Variants in TMEM132D observed in about 807,000 individuals in gnomAD.
TMEM132D encodes the protein mature OL transmembrane protein.
TMEM132D carries 21 observed loss-of-function variants against 62.3 expected under a neutral mutation model. The ratio of observed to expected loss-of-function variants is 0.34; its 90% CI spans 0.24 to 0.49. The LOEUF (loss-of-function observed/expected upper bound fraction) is 0.49, where lower values mean the gene tolerates loss of function less well. Among genes scored for constraint, TMEM132D ranks in the 20% least tolerant of loss-of-function variants. TMEM132D has a pLI of 0.99. For synonymous variants in TMEM132D, 621 were observed against 575.6 expected (o/e 1.08, Z -1.13); for missense variants, 1,346 against 1,402.8 (o/e 0.96, Z 0.65).
intron 3 of TMEM132D, among the ~76,000 whole-genome samples, chr12:129,489,927 T>C (rs1593034836): frequency 6.6e-6 from 1 of 152,176 alleles, no homozygotes; most frequent in Non-Finnish European, 1.5e-5. Context: ...TATACATCTG[T>C]CAATAACAGA....
chr12:129,868,627 C>T (rs1001306146), intron 1 of TMEM132D, among the ~76,000 whole-genome samples: 1 of 152,172 alleles, frequency 6.6e-6, no homozygotes, highest in African/African-American at 2.4e-5. Context: ...ATGCCCTGTA[C>T]CCCTGTAAGC....
intron 4 of TMEM132D, among the ~76,000 whole-genome samples, chr12:129,251,264 C>G (rs1224779003): frequency 6.9e-6 from 1 of 144,808 alleles, no homozygotes; most frequent in Non-Finnish European, 1.5e-5. Flanking sequence ...GAGGCTGAGG[C>G]AGGAGAATCA....
chr12:129,370,232 T>C (rs564212589), intron 3 of TMEM132D, among the ~76,000 whole-genome samples: 2 of 152,348 alleles, frequency 1.3e-5, no homozygotes, highest in Admixed American at 6.5e-5. Context: ...CAAAGTCCTC[T>C]GGTGTGCAAT....
At chr12:129,684,160 T>A (rs935526264) in intron 2 of TMEM132D, among the ~76,000 whole-genome samples, 2 of 152,100 alleles carry the variant, frequency 1.3e-5, no homozygotes, top group Non-Finnish European at 2.9e-5. Flanking sequence ...AAGGCAGATA[T>A]GGTTTGTCTG....
chr12:129,530,818 T>C (rs558939843), intron 3 of TMEM132D, among the ~76,000 whole-genome samples: 381 of 152,216 alleles, frequency 2.5e-3, no homozygotes, highest in African/African-American at 8.7e-3. Context: ...ATCTGCATGG[T>C]GCAGTCCTTG....
chr12:129,801,892 A>C (rs1390328575), intron 1 of TMEM132D, among the ~76,000 whole-genome samples: 7 of 151,870 alleles, frequency 4.6e-5, no homozygotes, highest in East Asian at 3.9e-4. Flanking sequence ...GTGAAGAATG[A>C]AGAAGCCTCA....
chr12:129,384,616 T>C (rs1331919962), intron 3 of TMEM132D, among the ~76,000 whole-genome samples: 1 of 152,224 alleles, frequency 6.6e-6, no homozygotes, highest in Admixed American at 6.5e-5. Flanking sequence ...ATTTCACTTC[T>C]TCCCAAGCTA....
Position 129,548,132 on chromosome 12 carries a change from G to A in TMEM132D, c.969-16927C>T, listed in dbSNP as rs146577765. 1.4e-3 allele frequency among the ~76,000 whole-genome samples: 209 copies of A among 152,294 alleles called. 1 individual carries two copies. The highest frequency in any genetic ancestry group is 2.0e-3 in the African/African-American group (85 of 41,560). On this transcript the variant is annotated intron_variant, in intron 2 of 8. Transcript: ENST00000422113. ...CATTTAGTTGTCGCTTAATCACCCC[G>A]TGGGGCAATTTCCTTCCAGAATTCA...
intron 1 of TMEM132D, among the ~76,000 whole-genome samples, chr12:129,841,282 T>A (rs1363485080): frequency 6.6e-6 from 1 of 151,652 alleles, no homozygotes; most frequent in Non-Finnish European, 1.5e-5. Context: ...AAGATTCACA[T>A]AATTCTAAAA....
intron 3 of TMEM132D, among the ~76,000 whole-genome samples, chr12:129,435,232 G>A (rs544289129): frequency 7.9e-5 from 12 of 152,234 alleles, no homozygotes; most frequent in African/African-American, 2.9e-4. Context: ...TGGACACTTA[G>A]GTGGTTTCCA....
chr12:129,447,398 T>C (rs1197159441), intron 3 of TMEM132D, among the ~76,000 whole-genome samples: 1 of 152,196 alleles, frequency 6.6e-6, no homozygotes, highest in Admixed American at 6.5e-5. Context: ...TGAAAACTGG[T>C]ATCGTTTGCA....
intron 2 of TMEM132D, among the ~76,000 whole-genome samples, chr12:129,567,875 C>A (rs939871942): frequency 1.3e-5 from 2 of 152,080 alleles, no homozygotes; most frequent in East Asian, 3.9e-4. Context: ...ATAAAAGGAG[C>A]CAGGGACCAA....
At chr12:129,447,801 G>A (rs12580357) in intron 3 of TMEM132D, among the ~76,000 whole-genome samples, 15,001 of 152,090 alleles carry the variant, frequency 0.099, 1,214 homozygotes, top group East Asian at 0.4. Context: ...ACAGCATCAG[G>A]TTCAGGAGAC....
chr12:129,703,667 C>T (rs758656619), intron 1 of TMEM132D, among the ~76,000 whole-genome samples: 4 of 152,038 alleles, frequency 2.6e-5, no homozygotes, highest in Non-Finnish European at 4.4e-5. Context: ...GCTAATAATT[C>T]GCTAAGGACA....
chr12:129,584,135 T>C (rs552260685), intron 2 of TMEM132D, among the ~76,000 whole-genome samples: 1 of 152,270 alleles, frequency 6.6e-6, no homozygotes, highest in South Asian at 2.1e-4. Context: ...AAGCTTTTGA[T>C]TGCTATAGTT....
At chr12:129,463,557 T>C (rs1483012578) in intron 3 of TMEM132D, among the ~76,000 whole-genome samples, 2 of 151,932 alleles carry the variant, frequency 1.3e-5, no homozygotes, top group Middle Eastern at 3.2e-3. Context: ...ATGTGCCATG[T>C]TGGTGTGCTG....
At chr12:129,342,692 T>C (rs1869535766) in intron 3 of TMEM132D, among the ~76,000 whole-genome samples, 1 of 152,062 alleles carries the variant, frequency 6.6e-6, no homozygotes, top group African/African-American at 2.4e-5. Flanking sequence ...AAAGGGCTAA[T>C]ATCCAGAATC....
At chr12:129,542,772 CAATT>C (rs1325055058) in intron 2 of TMEM132D, among the ~76,000 whole-genome samples, 1 of 152,122 alleles carries the variant, frequency 6.6e-6, no homozygotes, top group East Asian at 1.9e-4. Flanking sequence ...TTTTAGTCAT[CAATT>C]AACTGCATGT....
At chr12:129,145,118 T>C (rs1876855927) in intron 5 of TMEM132D, among the ~76,000 whole-genome samples, 1 of 152,226 alleles carries the variant, frequency 6.6e-6, no homozygotes, top group African/African-American at 2.4e-5. Context: ...TATACATATG[T>C]ATAAACACAC....
Sources: gnomAD v4.1 joint callset for allele counts (sites outside exome capture counted in the v4.1 genomes callset) on GRCh38, gnomAD v4.1.1 for gene constraint, MANE v1.5 for transcripts, NCBI Gene and HGNC (gene_info 2026-07-23, HGNC 2026-07-21) for gene names.